NRG1: variants seen among roughly 807,000 people sequenced by gnomAD.
NRG1 encodes the protein neuregulin 1, also known as pro-neuregulin-1, membrane-bound isoform.
A neutral mutation model predicts 63.8 loss-of-function variants in NRG1; 18 were observed. The observed-to-expected ratio is 0.28, with a 90% CI of 0.19 to 0.42. NRG1 has a LOEUF of 0.42. NRG1 is among the 10% of genes least tolerant of loss of function. NRG1 has a pLI of 1.00. For missense variants in NRG1, 762 were observed against 814.7 expected (o/e 0.94, Z 0.79); for synonymous variants, 302 against 301.3 (o/e 1.00, Z -0.02).
chr8:31,912,566 CTTTTTTTTTT>C (rs3052846), intron 1 of NRG1, among the ~76,000 whole-genome samples: 4 of 105,632 alleles, frequency 3.8e-5, no homozygotes, highest in African/African-American at 1.1e-4. Flanking sequence ...TTTAGAAATG[CTTTTTTTTTT>C]TTTTTTTTTT....
chr8:32,497,319 C>A (rs1377804079), intron 1 of NRG1, among the ~76,000 whole-genome samples: 2 of 151,674 alleles, frequency 1.3e-5, no homozygotes, highest in Non-Finnish European at 1.5e-5. Flanking sequence ...TGGTGGCAGG[C>A]ACCTGTAATC....
chr8:32,625,351 T>C (rs1423352965), intron 5 of NRG1, among the ~76,000 whole-genome samples: 6 of 152,214 alleles, frequency 3.9e-5, no homozygotes, highest in African/African-American at 1.4e-4. Flanking sequence ...TTTATTCAAG[T>C]CCATAACCAT....
intron 6 of NRG1, among the ~76,000 whole-genome samples, chr8:32,740,082 T>C (rs954562731): frequency 7.9e-5 from 12 of 152,008 alleles, no homozygotes; most frequent in African/African-American, 2.9e-4. Flanking sequence ...AAATAAGTTA[T>C]ATGAAAAAAG....
chr8:32,029,557 TTGAC>T (rs1340095166), intron 1 of NRG1: 2 of 152,334 alleles, frequency 1.3e-5, no homozygotes, highest in African/African-American at 2.4e-5. Context: ...GAACAGTTGA[TTGAC>T]TGAAGCTAGG....
intron 1 of NRG1, among the ~76,000 whole-genome samples, chr8:32,405,588 T>C: frequency 6.6e-6 from 1 of 152,198 alleles, no homozygotes; most frequent in Non-Finnish European, 1.5e-5. Context: ...AAACAACTGG[T>C]TACCCACACT....
chr8:32,407,426 A>G (rs1814236740), intron 1 of NRG1, among the ~76,000 whole-genome samples: 1 of 151,216 alleles, frequency 6.6e-6, no homozygotes, highest in Admixed American at 6.6e-5. Context: ...TGACAAGAAC[A>G]GTGTAGGATC....
intron 1 of NRG1, among the ~76,000 whole-genome samples, chr8:32,317,945 A>T (rs1044943327): frequency 6.6e-6 from 1 of 152,152 alleles, no homozygotes; most frequent in Non-Finnish European, 1.5e-5. Context: ...GGGCTTAGGG[A>T]CTGCCCTCTC....
At chr8:32,756,378 T>A (rs1589617451) in intron 8 of NRG1, 25 bp from the exon 9 acceptor site, 1 of 1,597,928 alleles carries the variant, frequency 6.3e-7, no homozygotes, top group Non-Finnish European at 8.5e-7. Context: ...CAAAAAAAAA[T>A]AAATGCTCCC....
At chr8:32,466,762 G>A (rs1308260895) in intron 1 of NRG1, among the ~76,000 whole-genome samples, 1 of 151,914 alleles carries the variant, frequency 6.6e-6, no homozygotes, top group Non-Finnish European at 1.5e-5. Context: ...TACTTTTTCT[G>A]CTTGGATGGA....
intron 1 of NRG1, among the ~76,000 whole-genome samples, chr8:31,829,489 A>G (rs918526226): frequency 1.3e-5 from 2 of 152,216 alleles, no homozygotes; most frequent in Non-Finnish European, 2.9e-5. Context: ...TATCTATAAT[A>G]TACTTGGGTA....
At chr8:32,281,210 C>T (rs564223796) in intron 1 of NRG1, among the ~76,000 whole-genome samples, 63 of 23,988 alleles carry the variant, frequency 2.6e-3, no homozygotes, top group South Asian at 6.7e-3. Context: ...CAGAATCTCG[C>T]TCTGTCGCTC....
chr8:31,764,405 C>T (rs1337793499), intron 1 of NRG1, among the ~76,000 whole-genome samples: 1 of 152,140 alleles, frequency 6.6e-6, no homozygotes, highest in Non-Finnish European at 1.5e-5. Context: ...CTCCTGACCC[C>T]ATTCCCTGCT....
chr8:32,274,963 G>C (rs1851937074), intron 1 of NRG1, among the ~76,000 whole-genome samples: 1 of 152,124 alleles, frequency 6.6e-6, no homozygotes, highest in East Asian at 1.9e-4. Flanking sequence ...TACCAGAAGG[G>C]GAGCAGCATC....
intron 1 of NRG1, among the ~76,000 whole-genome samples, chr8:32,001,402 T>C (rs1812909481): frequency 6.6e-6 from 1 of 152,000 alleles, no homozygotes; most frequent in South Asian, 2.1e-4. Context: ...CCCCTTTGCC[T>C]TCTGCCATGA....
chr8:32,015,349 G>A (rs1019220593), intron 1 of NRG1, among the ~76,000 whole-genome samples: 1 of 152,158 alleles, frequency 6.6e-6, no homozygotes, highest in Non-Finnish European at 1.5e-5. Flanking sequence ...TGAGCTTCCA[G>A]CTTGTCTCTT....
At chr8:32,340,254 C>A (rs1276867538) in intron 1 of NRG1, among the ~76,000 whole-genome samples, 4 of 152,184 alleles carry the variant, frequency 2.6e-5, no homozygotes, top group Non-Finnish European at 5.9e-5. Flanking sequence ...TACACACACA[C>A]ACTTTTAGCT....
At chr8:31,673,165 G>T (rs1807335276) in intron 1 of NRG1, among the ~76,000 whole-genome samples, 1 of 151,788 alleles carries the variant, frequency 6.6e-6, no homozygotes, top group Admixed American at 6.6e-5. Flanking sequence ...TGTTAAACTT[G>T]CAGATACTCA....
At chr8:32,573,850 T>A (rs893886641) in intron 1 of NRG1, among the ~76,000 whole-genome samples, 3 of 152,078 alleles carry the variant, frequency 2.0e-5, no homozygotes, top group Non-Finnish European at 4.4e-5. Flanking sequence ...CCCCTTCCTG[T>A]GCCCATGTGT....
At chr8:32,225,597 A>G (rs925920150) in intron 1 of NRG1, among the ~76,000 whole-genome samples, 2 of 152,200 alleles carry the variant, frequency 1.3e-5, no homozygotes, top group African/African-American at 4.8e-5. Context: ...GCCCTGTGCT[A>G]TATGTGATAT....
Sources: allele counts gnomAD v4.1 joint callset (sites outside exome capture counted in the v4.1 genomes callset), GRCh38; gene constraint gnomAD v4.1.1; transcripts MANE v1.5; gene names NCBI Gene and HGNC (gene_info 2026-07-23, HGNC 2026-07-21).